The following EPG5 variants were observed in gnomAD, a reference collection of about 807,000 sequenced individuals.
EPG5 encodes ectopic P granules protein 5 homolog.
A neutral mutation model predicts 302.7 loss-of-function variants in EPG5; 159 were observed. That is an observed-to-expected ratio of 0.53 (90% CI 0.46 to 0.60). The LOEUF (loss-of-function observed/expected upper bound fraction) is 0.60, where lower values mean the gene tolerates loss of function less well. Among genes scored for constraint, EPG5 ranks in the 20% least tolerant of loss-of-function variants. EPG5 has a pLI of 0.00. For missense variants in EPG5, 2,896 were observed against 3,092.4 expected (o/e 0.94, Z 1.51); for synonymous variants, 1,158 against 1,136.8 (o/e 1.02, Z -0.37).
intron 7 of EPG5, among the ~76,000 whole-genome samples, chr18:45,944,495 CTATAAT>C (rs2050744829): frequency 1.3e-5 from 2 of 152,174 alleles, no homozygotes; most frequent in Non-Finnish European, 2.9e-5. Flanking sequence ...TGGCTCATGC[CTATAAT>C]CCCAGCACTT....
intron 9 of EPG5, 116 bp downstream of exon 9, chr18:45,943,045 T>C (rs1423225141): frequency 6.0e-6 from 6 of 1,002,240 alleles, no homozygotes; most frequent in Middle Eastern, 2.2e-4. Context: ...ATCTTAACTA[T>C]TACGAGAAAT....
intron 13 of EPG5, 73 bp downstream of exon 13, chr18:45,928,791 AGAACC>A: frequency 7.1e-7 from 1 of 1,404,474 alleles, no homozygotes; most frequent in East Asian, 2.3e-5. Flanking sequence ...ATCATTCCCA[AGAACC>A]TTCCTATTTT....
chr18:45,883,461 CT>C (rs61461493), intron 30 of EPG5, among the ~76,000 whole-genome samples: 6,443 of 132,428 alleles, frequency 0.049, 405 homozygotes, highest in African/African-American at 0.15. Flanking sequence ...TCAAGGTTGT[CT>C]TTTTTTTTTT....
At chr18:45,816,389 G>A in the EPG5 span, among the ~76,000 whole-genome samples, 1 of 151,420 alleles carries the variant, frequency 6.6e-6, no homozygotes, top group South Asian at 2.1e-4. Flanking sequence ...ATCTGACAAA[G>A]GACTAATATC....
At chr18:45,952,340 A>C in intron 3 of EPG5, 60 bp downstream of exon 3, 8 of 1,577,362 alleles carry the variant, frequency 5.1e-6, no homozygotes, top group Non-Finnish European at 6.9e-6. Flanking sequence ...CAACCAGGCT[A>C]TACCCCTCAA....
At chr18:45,879,909 G>T (rs1440290346) in intron 32 of EPG5, among the ~76,000 whole-genome samples, 166 bp downstream of exon 32, 2 of 152,156 alleles carry the variant, frequency 1.3e-5, no homozygotes, top group South Asian at 4.1e-4. Flanking sequence ...GGGGAATGGG[G>T]TGAGCCATCT....
chr18:45,908,747 G>A (rs943660438), intron 23 of EPG5, among the ~76,000 whole-genome samples: 6 of 152,108 alleles, frequency 3.9e-5, no homozygotes, highest in African/African-American at 7.2e-5. Flanking sequence ...TCAGGAGTTC[G>A]AGATAAGCCT....
intron 27 of EPG5, among the ~76,000 whole-genome samples, chr18:45,893,551 T>TA (rs59916763): frequency 0.61 from 82,656 of 136,566 alleles, 24,794 homozygotes; most frequent in African/African-American, 0.63. Flanking sequence ...AGACTCTGTC[T>TA]AAAAAAAAAA....
chr18:45,870,400 T>G (rs1369681448), intron 36 of EPG5, among the ~76,000 whole-genome samples, 167 bp downstream of exon 36: 1 of 152,028 alleles, frequency 6.6e-6, no homozygotes, highest in African/African-American at 2.4e-5. Context: ...CACGATAAAA[T>G]GACTTCCACA....
the EPG5 span, among the ~76,000 whole-genome samples, chr18:45,829,808 C>T: frequency 6.6e-6 from 1 of 152,146 alleles, no homozygotes; most frequent in Non-Finnish European, 1.5e-5. Context: ...GCTGTCCCTC[C>T]TGGAGGCGTG....
intron 1 of EPG5, among the ~76,000 whole-genome samples, chr18:45,963,448 C>A (rs993358833): frequency 1.9e-4 from 29 of 152,126 alleles, no homozygotes; most frequent in Non-Finnish European, 5.9e-5. Flanking sequence ...AAGAGCCTGG[C>A]CAACGTGGTG....
At position 45,956,369 on chromosome 18, in the gene EPG5, A is replaced by G. The variant is rs542044253; in HGVS notation, c.64-1031T>C. Reference sequence around the variant, plus strand: ...TGTATTGCGGGACCTGGATTAGAAAAAGGACATTAATGGAAAAACTGGTGA... The same window carrying G: ...TGTATTGCGGGACCTGGATTAGAAAGAGGACATTAATGGAAAAACTGGTGA... On this transcript the variant is annotated intron_variant, in intron 1 of 43. Coordinates refer to ENST00000282041, the MANE Select transcript of EPG5 (RefSeq NM_020964.3). 3.9e-5 allele frequency among the ~76,000 whole-genome samples: 6 copies of G among 152,362 alleles called. No individual in the cohort carries two copies. In the South Asian group the frequency reaches 1.2e-3, roughly 32 times the overall value.
intron 1 of EPG5, 100 bp downstream of exon 1, chr18:45,967,077 G>T: frequency 1.7e-6 from 2 of 1,175,676 alleles, no homozygotes; most frequent in East Asian, 2.7e-5. Flanking sequence ...GATGCAGAGG[G>T]CTCAGGGAAC....
chr18:45,947,858 C>T (rs1423407836), intron 6 of EPG5, among the ~76,000 whole-genome samples: 2 of 152,094 alleles, frequency 1.3e-5, no homozygotes, highest in African/African-American at 2.4e-5. Context: ...CTGCAACCTC[C>T]GCCTCCCAGG....
At chr18:45,878,595 T>C in intron 33 of EPG5, 147 bp from the exon 34 acceptor site, 1 of 592,916 alleles carries the variant, frequency 1.7e-6, no homozygotes, top group Non-Finnish European at 2.9e-6. Context: ...TGTAACTATG[T>C]ATGTTTACGT....
chr18:45,837,061 G>C, the EPG5 span: 1 of 1,578,376 alleles, frequency 6.3e-7, no homozygotes, highest in African/African-American at 1.3e-5. Context: ...AGATACTACG[G>C]AGAACTTGCT....
chr18:45,872,917 G>C (rs759199403), intron 35 of EPG5, among the ~76,000 whole-genome samples: 9 of 152,182 alleles, frequency 5.9e-5, no homozygotes, highest in Non-Finnish European at 7.3e-5. Context: ...TATCCAGAAG[G>C]ATGTCTTAGG....
At chr18:45,844,835 G>A (rs1358979185), downstream of EPG5, among the ~76,000 whole-genome samples, 1 of 152,208 alleles carries the variant, frequency 6.6e-6, no homozygotes, top group Non-Finnish European at 1.5e-5. Flanking sequence ...CAGGGAAGAA[G>A]TTAAGGACAC....
intron 10 of EPG5, among the ~76,000 whole-genome samples, chr18:45,937,081 C>T (rs2050545476): frequency 6.6e-6 from 1 of 151,808 alleles, no homozygotes. Flanking sequence ...TATCCTAACA[C>T]TTCACATGGG....
Sources: gnomAD v4.1 joint callset for allele counts (sites outside exome capture counted in the v4.1 genomes callset) on GRCh38, gnomAD v4.1.1 for gene constraint, MANE v1.5 for transcripts, NCBI Gene and HGNC (gene_info 2026-07-23, HGNC 2026-07-21) for gene names.